HSPG2: variants seen among roughly 807,000 people sequenced by gnomAD.
HSPG2 encodes heparan sulfate proteoglycan 2, also known as basement membrane-specific heparan sulfate proteoglycan core protein.
In HSPG2, 278 loss-of-function variants were observed where a neutral mutation model predicts 526.6. The ratio of observed to expected loss-of-function variants is 0.53; its 90% confidence interval spans 0.48 to 0.58. HSPG2 has a LOEUF of 0.58. Ranked by LOEUF, HSPG2 falls within the 20% of genes least tolerant of loss-of-function variation. HSPG2 has a pLI of 0.00. For synonymous variants in HSPG2, 2,465 were observed against 2,555.4 expected, an observed-to-expected ratio of 0.96 and a Z score of 1.07; for missense variants, 5,354 against 6,099.5, an observed-to-expected ratio of 0.88 and a Z score of 4.07.
Position 21,890,978 on chromosome 1 carries a change from AAG to A in HSPG2, c.245-286_245-285del, listed in dbSNP as rs776593353. Among the ~76,000 whole-genome samples, 10 of 152,236 alleles carry A rather than the reference AAG, an allele frequency of 6.6e-5. No homozygotes were observed. Among genetic ancestry groups the A allele is most frequent in the Non-Finnish European group, 1.2e-4 (8 of 68,038 alleles). On this transcript the variant is annotated intron_variant, in intron 3 of 96. Coordinates refer to ENST00000374695, the MANE Select transcript of HSPG2 (RefSeq NM_005529.7). This position sits in a 1 kb window ranked among gnomAD's most constrained non-coding sequence, Gnocchi z 4.1. ...AGAGGAGACCCCCACAGTTCAGAGGAAGGCTGGACAAGAAGGGGTGGCTCCCA... is the reference window on the plus strand; with the variant it reads ...AGAGGAGACCCCCACAGTTCAGAGGAGCTGGACAAGAAGGGGTGGCTCCCA...
At position 21,895,877 on chromosome 1, in the gene HSPG2, C is replaced by T. The variant is rs1233719829; in HGVS notation, c.244+45G>A. 1.3e-6 allele frequency: 2 copies of T among 1,599,502 alleles called. No homozygotes were observed. On this transcript the variant is annotated intron_variant, in intron 3 of 96. Transcript: ENST00000374695. The surrounding 1 kb of genome is among the most constrained non-coding windows in gnomAD (Gnocchi z 4.1). ...CCAGGAGACTGGCTCTGGGGCTTCC[C>T]TGGGGGACAGGAGGGAGACCTGCAG...
intron 85 of HSPG2, 85 bp from the exon 86 acceptor site, chr1:21,830,176 C>A: frequency 9.0e-7 from 1 of 1,109,066 alleles, no homozygotes; most frequent in Non-Finnish European, 1.3e-6. Flanking sequence ...GCCCATCACA[C>A]CCCGGGGGGC....
chr1:21,833,984 C>T (rs1268751494), intron 77 of HSPG2, 59 bp from the exon 78 acceptor site: 8 of 1,123,890 alleles, frequency 7.1e-6, no homozygotes, highest in Non-Finnish European at 1.1e-5. Flanking sequence ...ATGTGCCCAG[C>T]CTGCACCCTG....
Position 21,854,898 on chromosome 1 carries a change from G to T in HSPG2, c.6083C>A (p.Thr2028Asn). Residue 2028 changes from threonine to asparagine, a missense_variant, in exon 48 of 97, where the codon ACC becomes AAC. Thr to Asn is a moderately conservative substitution (Grantham distance 65, BLOSUM62 0). Transcript: ENST00000374695. ...ADAGFYLCVATSPAGTAQARI... is the reference protein window; with the variant it reads ...ADAGFYLCVANSPAGTAQARI... ...GGCCTGGGCAGTGCCTGCAGGGCTG[G>T]TGGCCACGCAGAGGTAGAAGCCGGC... The T allele has an allele frequency of 1.2e-6, 2 of 1,614,162 alleles. No homozygotes were observed. Among genetic ancestry groups the T allele is most frequent in the Non-Finnish European group, 1.7e-6 (2 of 1,180,034 alleles).
Position 21,831,328 on chromosome 1 carries a change from G to T in HSPG2, c.11453-4C>A, listed in dbSNP as rs368703528. ...ATGCGCAGCTCCCGGACACAGCCTG[G>T]GAGGTGAGTGGGCAGGATGAGCACA... On this transcript the variant is annotated splice_polypyrimidine_tract_variant and splice_region_variant and intron_variant, in intron 83 of 96. Coordinates refer to ENST00000374695, the MANE Select transcript of HSPG2 (RefSeq NM_005529.7). The T allele has an allele frequency of 1.2e-6, 2 of 1,613,622 alleles. No individual in the cohort carries two copies. The highest frequency in any genetic ancestry group is 1.7e-6 in the Non-Finnish European group (2 of 1,179,586).
In HSPG2 at chr1:21,846,483, G is replaced by A. The variant is rs1296718852; in HGVS notation, c.8281C>T (p.His2761Tyr). The A allele has an allele frequency of 1.2e-6, 2 of 1,613,680 alleles. No homozygotes were observed. The highest frequency in any genetic ancestry group is 1.7e-5 in the Admixed American group (1 of 60,030). ...PGQAHAQVTW[H>Y]KRGGSLPSHH... ...CTGGGGAGGCTGCCCCCACGCTTGT[G>A]CCAAGTGACCTGGGCATGGGCCTGC... Residue 2761 changes from histidine (H) to tyrosine (Y), a missense_variant, in exon 63 of 97, where the codon CAC (histidine) becomes TAC (tyrosine). Transcript: ENST00000374695.
Position 21,830,980 on chromosome 1 carries a change from A to G in HSPG2, c.11671+2T>C. 6.4e-7 allele frequency: 1 copy of G among 1,573,374 alleles called. No homozygotes were observed. The highest frequency in any genetic ancestry group is 8.6e-7 in the Non-Finnish European group (1 of 1,157,826). On this transcript the variant is annotated splice_donor_variant, in intron 85 of 96. Transcript: ENST00000374695. LOFTEE classifies it high-confidence loss of function. Reference sequence around the variant, plus strand: ...ACAGCGACTGGCGGTCGGGGTGCGTACCTGGATGGCAGTGCAGGGCCTGCG... The same window carrying G: ...ACAGCGACTGGCGGTCGGGGTGCGTGCCTGGATGGCAGTGCAGGGCCTGCG...
rs566509782 is a variant in HSPG2, at chr1:21,860,277, G to A, written c.4956-42C>T. Reference sequence around the variant, plus strand: ...GGGCCGGCAATGTCAGGCCTCAAGGGCCCCAGTGCCTCATGGTGGACTTGG... The same window carrying A: ...GGGCCGGCAATGTCAGGCCTCAAGGACCCCAGTGCCTCATGGTGGACTTGG... On this transcript the variant is annotated intron_variant, in intron 39 of 96. Transcript: ENST00000374695. 380 of 1,571,984 alleles carry A rather than the reference G, an allele frequency of 2.4e-4. 8 individuals are homozygous for A. In the South Asian group the frequency reaches 3.9e-3, roughly 16 times the overall value.
intron 91 of HSPG2, among the ~76,000 whole-genome samples, chr1:21,825,590 C>T (rs1472209802): frequency 1.3e-5 from 2 of 152,190 alleles, no homozygotes; most frequent in Admixed American, 1.3e-4. Context: ...GCACTGGCCA[C>T]AGTAGCTCTG....
At chr1:21,844,382 C>G (rs756250981) in intron 64 of HSPG2, 83 bp from the exon 65 acceptor site, 1 of 1,454,106 alleles carries the variant, frequency 6.9e-7, no homozygotes, top group Non-Finnish European at 9.4e-7. Flanking sequence ...ATACTAGGAC[C>G]AGAGGCCATT....
intron 33 of HSPG2, among the ~76,000 whole-genome samples, chr1:21,867,983 G>A (rs1218101670): frequency 6.7e-6 from 1 of 150,270 alleles, no homozygotes; most frequent in Non-Finnish European, 1.5e-5. Flanking sequence ...GCCTGCCCCA[G>A]TCTCCCAAAG....
At chr1:21,869,940 G>C (rs1236966607) in intron 33 of HSPG2, among the ~76,000 whole-genome samples, 1 of 152,252 alleles carries the variant, frequency 6.6e-6, no homozygotes, top group Non-Finnish European at 1.5e-5. Flanking sequence ...CAGAAGTGCT[G>C]GAGGCAGCCC....
At position 21,842,792 on chromosome 1, in the gene HSPG2, C is replaced by T; in HGVS notation, c.8888G>A (p.Gly2963Asp). 6.2e-7 allele frequency: 1 copy of T among 1,613,434 alleles called. No homozygotes were observed. The highest frequency in any genetic ancestry group is 8.5e-7 in the Non-Finnish European group (1 of 1,180,016). ...HAQVTWYKRGGSLPARHQTHG... is the reference protein window; with the variant it reads ...HAQVTWYKRGDSLPARHQTHG... ...TACCTGGTGCCGGGCGGGGAGGCTG[C>T]CCCCGCGCTTGTACCACGTGACCTG... The change falls in exon 67 of 97, where the codon GGC (glycine) becomes GAC (aspartate). Residue 2963 changes from glycine to aspartate, a missense_variant. Transcript: ENST00000374695.
At chr1:21,914,884 A>ACC (rs1438303103) in intron 1 of HSPG2, among the ~76,000 whole-genome samples, 1 of 151,992 alleles carries the variant, frequency 6.6e-6, no homozygotes, top group Admixed American at 6.6e-5. Context: ...CACCTGCCTG[A>ACC]CCCCCAAAAG....
At chr1:21,933,043 A>T (rs1160267275) in intron 1 of HSPG2, among the ~76,000 whole-genome samples, 2 of 151,952 alleles carry the variant, frequency 1.3e-5, no homozygotes, top group Non-Finnish European at 2.9e-5. Context: ...AACATGGCAA[A>T]ACCCTGTCTC....
chr1:21,863,135 G>A (rs1273972166), intron 37 of HSPG2, among the ~76,000 whole-genome samples: 1 of 148,744 alleles, frequency 6.7e-6, no homozygotes, highest in Non-Finnish European at 1.5e-5. Flanking sequence ...CACTTTGGGA[G>A]GCCAAGGCGG....
At chr1:21,857,424 C>G (rs1258294612) in intron 42 of HSPG2, 39 bp from the exon 43 acceptor site, 18 of 1,576,878 alleles carry the variant, frequency 1.1e-5, no homozygotes, top group African/African-American at 1.3e-5. Flanking sequence ...CCGGTGCTGG[C>G]TAGGCCCCGG....
At chr1:21,884,470 T>G in intron 13 of HSPG2, 58 bp downstream of exon 13, 1 of 1,601,686 alleles carries the variant, frequency 6.2e-7, no homozygotes, top group Non-Finnish European at 8.5e-7. Context: ...CTGTGCCCCC[T>G]GGGTACAGAG....
At chr1:21,857,907 C>T (rs935602437) in intron 42 of HSPG2, among the ~76,000 whole-genome samples, 1 of 152,220 alleles carries the variant, frequency 6.6e-6, no homozygotes, top group Non-Finnish European at 1.5e-5. Flanking sequence ...TTCTCCTGCC[C>T]TCACCCCATC....
Sources: allele counts gnomAD v4.1 joint callset (sites outside exome capture counted in the v4.1 genomes callset), GRCh38; gene constraint gnomAD v4.1.1; non-coding constraint Gnocchi (gnomAD v3.1); transcripts MANE v1.5; gene names NCBI Gene and HGNC (gene_info 2026-07-23, HGNC 2026-07-21).